EHMT1: variants seen among roughly 807,000 people sequenced by gnomAD.
The protein encoded by EHMT1 is euchromatic histone lysine methyltransferase 1.
EHMT1 carries 15 observed loss-of-function variants against 147.2 expected under a neutral mutation model. The ratio of observed to expected loss-of-function variants is 0.10; its 90% CI spans 0.07 to 0.16. The LOEUF is 0.16. EHMT1 is among the 10% of genes least tolerant of loss of function. EHMT1 has a pLI of 1.00. For missense variants in EHMT1, 1,587 were observed against 1,772.4 expected, an observed-to-expected ratio of 0.90 and a Z score of 1.88; for synonymous variants, 795 against 709.6, an observed-to-expected ratio of 1.12 and a Z score of -1.91.
At chr9:137,770,634 C>T (rs1950531982) in intron 10 of EHMT1, among the ~76,000 whole-genome samples, 2 of 152,228 alleles carry the variant, frequency 1.3e-5, no homozygotes, top group South Asian at 2.1e-4. Context: ...CATAATCTTT[C>T]ACCTGTGCCC....
chr9:137,643,367 G>C (rs1354154060), intron 1 of EHMT1, among the ~76,000 whole-genome samples: 1 of 128,648 alleles, frequency 7.8e-6, no homozygotes, highest in Non-Finnish European at 1.6e-5. Context: ...TTTAGACAGA[G>C]TCTCACCCTC....
At position 137,788,736 on chromosome 9, in the gene EHMT1, C is replaced by G. The variant is rs534327178; in HGVS notation, c.2383-2112C>G. On this transcript the variant is annotated intron_variant, in intron 15 of 26. Transcript: ENST00000460843. ...TGGGTAGCCGTTGGCGGGGAGTGCTCGCGAGCCTGGGAAGGGCGCCGTCCG... is the reference window on the plus strand; with the variant it reads ...TGGGTAGCCGTTGGCGGGGAGTGCTGGCGAGCCTGGGAAGGGCGCCGTCCG... 2.6e-5 allele frequency: 4 copies of G among 152,258 alleles called. No individual in the cohort carries two copies. In the South Asian group the frequency reaches 6.2e-4, roughly 24 times the overall value. 9.4% of individuals were successfully genotyped at this position (152,258 alleles called of 1,614,324 possible).
At chr9:137,636,455 A>G (rs551955207) in intron 1 of EHMT1, among the ~76,000 whole-genome samples, 2 of 152,260 alleles carry the variant, frequency 1.3e-5, no homozygotes, top group East Asian at 3.9e-4. Flanking sequence ...GTGAAAGCTG[A>G]CATTCCCATC....
rs982499693 is a variant in EHMT1, at chr9:137,716,738, T to C, written c.198T>C (p.His66=). 1.7e-5 allele frequency: 28 copies of C among 1,612,550 alleles called. No individual in the cohort carries two copies. In the East Asian group the frequency reaches 1.8e-4, roughly 10 times the overall value. ...GTGAAAACAGCGATGCCAGCAGTCA[T>C]GCAAATGCTGCAAAGCACACTCAGG... is the stretch of plus-strand genomic sequence containing the variant. ...GSCENSDASS[H]ANAAKHTQDS... is the part of the protein sequence containing the mutation. Residue 66 remains histidine (H), a synonymous_variant, in exon 3 of 27, where the codon CAT becomes CAC. Coordinates refer to ENST00000460843, the MANE Select transcript of EHMT1 (RefSeq NM_024757.5).
chr9:137,815,757 C>T, intron 22 of EHMT1, 190 bp from the exon 23 acceptor site: 1 of 642,064 alleles, frequency 1.6e-6, no homozygotes, highest in Non-Finnish European at 2.8e-6. Flanking sequence ...GTGTGGGCAT[C>T]TGGGTGGAGG....
intron 2 of EHMT1, chr9:137,715,738 G>C (rs1945153153): frequency 1.0e-6 from 1 of 985,302 alleles, no homozygotes; most frequent in African/African-American, 1.7e-5. Flanking sequence ...AGGGAGTGGA[G>C]AGCAGACCAC....
intron 2 of EHMT1, among the ~76,000 whole-genome samples, chr9:137,712,906 T>G (rs1944874960): frequency 6.6e-6 from 1 of 152,232 alleles, no homozygotes; most frequent in African/African-American, 2.4e-5. Flanking sequence ...TTTTATAGTT[T>G]TATCTCTTTT....
intron 1 of EHMT1, among the ~76,000 whole-genome samples, chr9:137,638,862 A>ACGGC (rs1162229598): frequency 6.6e-6 from 1 of 152,078 alleles, no homozygotes; most frequent in African/African-American, 2.4e-5. Context: ...AGTGTCAGGG[A>ACGGC]CGGCCAGCAG....
chr9:137,714,555 A>AT (rs35445261), intron 2 of EHMT1, among the ~76,000 whole-genome samples: 27,540 of 84,168 alleles, frequency 0.33, 4,919 homozygotes, highest in Admixed American at 0.42. Context: ...CAGTTTGCTC[A>AT]TTTTTTTTTT....
At chr9:137,643,835 T>C (rs1351623059) in intron 1 of EHMT1, among the ~76,000 whole-genome samples, 1 of 152,208 alleles carries the variant, frequency 6.6e-6, no homozygotes, top group Non-Finnish European at 1.5e-5. Context: ...TCTTTGCGTT[T>C]TTCTCATTTG....
At position 137,834,891 on chromosome 9, in the gene EHMT1, C is replaced by G; in HGVS notation, c.3835C>G (p.Gln1279Glu). The change falls in exon 27 of 27, where the codon CAG becomes GAG. Residue 1279 changes from glutamine to glutamate, a missense_variant. Gln to Glu is a conservative substitution (Grantham distance 29). Transcript: ENST00000460843. ...GGCCCAGCGTCAGGCCAGCGCGGCC[C>G]AGGAGGCCCAGGAGGACGGCTTGCC... ...ALAQRQASAA[Q>E]EAQEDGLPDT... The G allele has an allele frequency of 6.2e-7, 1 of 1,604,186 alleles. No individual in the cohort carries two copies. The highest frequency in any genetic ancestry group is 1.3e-5 in the African/African-American group (1 of 74,748).
At chr9:137,778,347 T>C (rs1459337116) in intron 13 of EHMT1, among the ~76,000 whole-genome samples, 1 of 152,248 alleles carries the variant, frequency 6.6e-6, no homozygotes, top group Non-Finnish European at 1.5e-5. Context: ...CCTTAGGTCA[T>C]GAGAGCAGAC....
At chr9:137,688,469 C>T (rs1427458678) in intron 1 of EHMT1, among the ~76,000 whole-genome samples, 1 of 152,196 alleles carries the variant, frequency 6.6e-6, no homozygotes, top group East Asian at 1.9e-4. Context: ...CAGCGCTGCA[C>T]CCCTCCTCCT....
chr9:137,720,591 A>G (rs546422854), intron 3 of EHMT1, among the ~76,000 whole-genome samples: 34 of 152,264 alleles, frequency 2.2e-4, no homozygotes, highest in African/African-American at 6.7e-4. Flanking sequence ...GCATGATCCA[A>G]CGTGCCCGGC....
In EHMT1 at chr9:137,787,760, A is replaced by C; in HGVS notation, c.2383-3088A>C. On this transcript the variant is annotated intron_variant, in intron 15 of 26. Coordinates refer to ENST00000460843, the MANE Select transcript of EHMT1 (RefSeq NM_024757.5). This position sits in a 1 kb window ranked among gnomAD's most constrained non-coding sequence, Gnocchi z 4.2. The stretch of plus-strand genomic sequence containing the variant: ...ATCGTAGATGCTTTTGTTGGGTGAC[A>C]CACCCTGGAAGAGGGCGTCTAGATC... The C allele has an allele frequency of 1.2e-6, 1 of 805,588 alleles. No homozygotes were observed. Among genetic ancestry groups the C allele is most frequent in the Non-Finnish European group, 2.2e-6 (1 of 457,344 alleles). 49.9% of individuals were successfully genotyped at this position (805,588 alleles called of 1,614,324 possible). A position where few individuals can be genotyped will look rare whatever the true frequency, so the allele number is the denominator to read the frequency against.
At chr9:137,805,138 G>A (rs553280632) in intron 18 of EHMT1, among the ~76,000 whole-genome samples, 55 of 151,698 alleles carry the variant, frequency 3.6e-4, no homozygotes, top group African/African-American at 1.2e-3. Context: ...TCTCTCATCC[G>A]CATGTGTGAG....
rs533477910 is a variant in EHMT1, at chr9:137,716,783, C to A, written c.243C>A (p.Pro81=). The change falls in exon 3 of 27, where the codon CCC becomes CCA. Residue 81 remains proline (P), a synonymous_variant. Coordinates refer to ENST00000460843, the MANE Select transcript of EHMT1 (RefSeq NM_024757.5). ...KHTQDSARVN[P]QDGTNTLTRI... Reference sequence around the variant, plus strand: ...CTCAGGACAGCGCAAGGGTCAACCCCCAGGATGGCACCAACACACTAACTC... The same window carrying A: ...CTCAGGACAGCGCAAGGGTCAACCCACAGGATGGCACCAACACACTAACTC... The A allele has an allele frequency of 5.0e-6, 8 of 1,613,046 alleles. No homozygotes were observed. The highest frequency in any genetic ancestry group is 6.8e-6 in the Non-Finnish European group (8 of 1,179,834).
At chr9:137,784,907 G>C (rs1405569335) in intron 15 of EHMT1, 1 of 152,822 alleles carries the variant, frequency 6.5e-6, no homozygotes, top group African/African-American at 2.4e-5. Context: ...GCCTCAAGAC[G>C]AGTCATGTGG....
intron 18 of EHMT1, chr9:137,803,053 G>A (rs1364680088): frequency 7.0e-5 from 86 of 1,230,604 alleles, no homozygotes; most frequent in Non-Finnish European, 8.3e-5. Context: ...TGCGTGGCGG[G>A]GAAGGCGGCC....
Sources: gnomAD v4.1 joint callset for allele counts (sites outside exome capture counted in the v4.1 genomes callset) on GRCh38, gnomAD v4.1.1 for gene constraint, Gnocchi (gnomAD v3.1) non-coding constraint, MANE v1.5 for transcripts, NCBI Gene and HGNC (gene_info 2026-07-23, HGNC 2026-07-21) for gene names.